SIPA1L3: variants seen among roughly 807,000 people sequenced by gnomAD.
The protein encoded by SIPA1L3 is signal induced proliferation associated 1 like 3, also known as signal-induced proliferation-associated 1-like protein 3.
A neutral mutation model predicts 150.1 loss-of-function variants in SIPA1L3; 59 were observed. The ratio of observed to expected loss-of-function variants is 0.39; its 90% confidence interval spans 0.32 to 0.49. SIPA1L3 has a LOEUF of 0.49. SIPA1L3 is among the 20% of genes least tolerant of loss of function. The pLI is 0.86. For missense variants in SIPA1L3, 2,211 were observed against 2,489.5 expected, an observed-to-expected ratio of 0.89 and a Z score of 2.38; for synonymous variants, 1,070 against 1,077.6, an observed-to-expected ratio of 0.99 and a Z score of 0.14.
At chr19:37,945,219 T>C (rs759070005) in intron 1 of SIPA1L3, among the ~76,000 whole-genome samples, 1 of 152,052 alleles carries the variant, frequency 6.6e-6, no homozygotes, top group Non-Finnish European at 1.5e-5. Context: ...TCAGAGACTG[T>C]CTGTACTCAT....
chr19:38,182,303 G>T lies in SIPA1L3; in HGVS notation c.4209-216G>T, dbSNP rs113465658. 4.9e-4 allele frequency among the ~76,000 whole-genome samples: 74 copies of T among 152,218 alleles called. 1 individual carries two copies. Among genetic ancestry groups the T allele is most frequent in the African/African-American group, 1.7e-3 (71 of 41,538 alleles). Reference sequence around the variant, plus strand: ...TATAGAGGAACCAAATGTGCTAGAAGGCCATCCTTGGGTGGGATTAGGCGC... The same window carrying T: ...TATAGAGGAACCAAATGTGCTAGAATGCCATCCTTGGGTGGGATTAGGCGC... On this transcript the variant is annotated intron_variant, in intron 15 of 21. Coordinates refer to ENST00000222345, the MANE Select transcript of SIPA1L3 (RefSeq NM_015073.3).
intron 10 of SIPA1L3, among the ~76,000 whole-genome samples, chr19:38,135,123 A>C (rs1278147196): frequency 1.3e-5 from 2 of 152,214 alleles, no homozygotes; most frequent in Non-Finnish European, 2.9e-5. Context: ...TGTCTCCATT[A>C]TACTCTGCAG....
chr19:38,090,395 C>T (rs1970233677), intron 4 of SIPA1L3, among the ~76,000 whole-genome samples: 1 of 150,738 alleles, frequency 6.6e-6, no homozygotes, highest in South Asian at 2.1e-4. Flanking sequence ...TGCTTTAGAT[C>T]ACAAGCCCAA....
chr19:38,200,286 A>C (rs894940356), intron 19 of SIPA1L3: 6 of 152,338 alleles, frequency 3.9e-5, no homozygotes, highest in African/African-American at 1.4e-4. Flanking sequence ...AGGCTGAAGC[A>C]GGAGGATCGC....
chr19:38,095,649 G>C (rs549471913), intron 4 of SIPA1L3, among the ~76,000 whole-genome samples: 4 of 152,314 alleles, frequency 2.6e-5, no homozygotes, highest in African/African-American at 7.2e-5. Context: ...GACAGGGCAG[G>C]GGCAGGGAGA....
intron 9 of SIPA1L3, among the ~76,000 whole-genome samples, chr19:38,121,363 G>A (rs1024224390): frequency 8.6e-5 from 13 of 151,800 alleles, no homozygotes; most frequent in South Asian, 2.1e-4. Flanking sequence ...GTGTGAACCC[G>A]GAAGGCGAGG....
chr19:38,140,530 C>T (rs1387527971), intron 10 of SIPA1L3, among the ~76,000 whole-genome samples: 2 of 152,156 alleles, frequency 1.3e-5, no homozygotes, highest in African/African-American at 4.8e-5. Context: ...CCCTGAGTAC[C>T]GCTAAGGGGG....
Position 38,082,825 on chromosome 19 carries a change from C to T in SIPA1L3, c.1260C>T (p.Ser420=), listed in dbSNP as rs1244394730. The change falls in exon 3 of 22, where the codon AGC becomes AGT. Residue 420 remains serine, a synonymous_variant. Transcript: ENST00000222345. ...NLEQDLGDDN[S]NDLLLSCPHF... ...AGCAGGACCTCGGCGATGACAACAG[C>T]AACGACCTGCTGCTCAGCTGCCCGC... 5.0e-6 allele frequency: 8 copies of T among 1,613,592 alleles called. No individual in the cohort carries two copies. The highest frequency in any genetic ancestry group is 6.8e-6 in the Non-Finnish European group (8 of 1,179,930).
intron 10 of SIPA1L3, among the ~76,000 whole-genome samples, chr19:38,137,842 G>T (rs1971469386): frequency 6.6e-6 from 1 of 151,872 alleles, no homozygotes; most frequent in African/African-American, 2.4e-5. Flanking sequence ...CAGTACCTAA[G>T]GGAAAAGGCC....
intron 9 of SIPA1L3, among the ~76,000 whole-genome samples, chr19:38,127,657 A>AT (rs530786433): frequency 5.3e-5 from 8 of 149,918 alleles, no homozygotes; most frequent in South Asian, 2.1e-4. Flanking sequence ...TGCTCAGCTA[A>AT]TTTTTTTTTT....
At chr19:38,027,224 G>T (rs1284451460) in intron 1 of SIPA1L3, among the ~76,000 whole-genome samples, 1 of 152,138 alleles carries the variant, frequency 6.6e-6, no homozygotes, top group Non-Finnish European at 1.5e-5. Flanking sequence ...GGAGGCAGAG[G>T]TTGCAGTGAG....
Position 38,029,383 on chromosome 19 carries a change from T to A in SIPA1L3, c.-311+227T>A, listed in dbSNP as rs147126986. Among the ~76,000 whole-genome samples the A allele has an allele frequency of 3.0e-4, 45 of 152,282 alleles. 1 individual carries two copies. The East Asian group carries it at 6.4e-3, about 22-fold the overall frequency. On this transcript the variant is annotated intron_variant, in intron 2 of 21. Transcript: ENST00000222345. The stretch of plus-strand genomic sequence containing the variant: ...ACACAAACATTCCTACATGCACATA[T>A]ACACACTTATTTTGGTTCGTTGTGT...
intron 18 of SIPA1L3, among the ~76,000 whole-genome samples, chr19:38,195,123 G>C (rs1972893358): frequency 6.6e-6 from 1 of 151,856 alleles, no homozygotes; most frequent in Non-Finnish European, 1.5e-5. Flanking sequence ...CTGGTGGTGT[G>C]GGGTGCCCAC....
intron 1 of SIPA1L3, among the ~76,000 whole-genome samples, chr19:38,018,893 G>A (rs1246743145): frequency 6.6e-6 from 1 of 152,096 alleles, no homozygotes; most frequent in African/African-American, 2.4e-5. Context: ...GTGAGGTAGT[G>A]CCCATTATTG....
At chr19:38,034,847 C>T (rs1382145609) in intron 2 of SIPA1L3, among the ~76,000 whole-genome samples, 1 of 152,198 alleles carries the variant, frequency 6.6e-6, no homozygotes, top group Non-Finnish European at 1.5e-5. Flanking sequence ...AGCCTTCTAG[C>T]CTTTTCTTTC....
intron 1 of SIPA1L3, among the ~76,000 whole-genome samples, chr19:37,938,490 G>A (rs930435491): frequency 6.6e-6 from 1 of 152,104 alleles, no homozygotes; most frequent in Admixed American, 6.5e-5. Flanking sequence ...CCAGCCTAGT[G>A]GATAGGAAAT....
intron 3 of SIPA1L3, among the ~76,000 whole-genome samples, chr19:38,084,893 G>A (rs1272642249): frequency 5.3e-5 from 8 of 151,880 alleles, no homozygotes; most frequent in African/African-American, 1.9e-4. Context: ...ACCCACCTTG[G>A]CCTCCCAAAG....
intron 1 of SIPA1L3, among the ~76,000 whole-genome samples, chr19:37,963,454 A>C (rs145013605): frequency 1.7e-3 from 261 of 152,356 alleles, no homozygotes; most frequent in African/African-American, 6.1e-3. Context: ...TCGTAACCAC[A>C]GTCTAGCTGT....
chr19:38,019,833 A>G (rs541150033), intron 1 of SIPA1L3, among the ~76,000 whole-genome samples: 123 of 152,264 alleles, frequency 8.1e-4, no homozygotes, highest in African/African-American at 2.9e-3. Context: ...CACACCTGTA[A>G]TCTCAGCATT....
Sources: gnomAD v4.1 joint callset for allele counts (sites outside exome capture counted in the v4.1 genomes callset) on GRCh38, gnomAD v4.1.1 for gene constraint, MANE v1.5 for transcripts, NCBI Gene and HGNC (gene_info 2026-07-23, HGNC 2026-07-21) for gene names.